CLVS1: variants seen among roughly 807,000 people sequenced by gnomAD.
The protein encoded by CLVS1 is clavesin 1, also known as clavesin-1.
Under a neutral mutation model 33.1 loss-of-function variants are expected in CLVS1, and 10 were observed. The ratio of observed to expected loss-of-function variants is 0.30; its 90% confidence interval spans 0.19 to 0.51. CLVS1 has a LOEUF of 0.51. Ranked by LOEUF, CLVS1 falls within the 20% of genes least tolerant of loss-of-function variation. The pLI is 0.97. For synonymous variants in CLVS1, 163 were observed against 166.1 expected (o/e 0.98, Z 0.14); for missense variants, 343 against 433.4 (o/e 0.79, Z 1.85).
At chr8:61,203,704 C>A (rs1256004408) in intron 2 of CLVS1, among the ~76,000 whole-genome samples, 1 of 152,204 alleles carries the variant, frequency 6.6e-6, no homozygotes, top group Non-Finnish European at 1.5e-5. Flanking sequence ...CTGTTTGACA[C>A]TTGGAGCTTG....
chr8:61,214,141 T>C (rs1808035728), intron 2 of CLVS1, among the ~76,000 whole-genome samples: 1 of 152,202 alleles, frequency 6.6e-6, no homozygotes, highest in African/African-American at 2.4e-5. Flanking sequence ...TAAGATGTTA[T>C]CAATGACAAT....
chr8:61,329,809 T>C (rs920227497), intron 2 of CLVS1, among the ~76,000 whole-genome samples: 8 of 152,180 alleles, frequency 5.3e-5, no homozygotes, highest in African/African-American at 1.9e-4. Context: ...GACATTCCCT[T>C]CCCTATATAA....
At chr8:61,071,537 A>G (rs73687892) in intron 1 of CLVS1, among the ~76,000 whole-genome samples, 2,080 of 152,302 alleles carry the variant, frequency 0.014, 50 homozygotes, top group African/African-American at 0.047. Flanking sequence ...ATGGTTCACA[A>G]TAATCTCCCC....
chr8:61,046,940 G>A, the CLVS1 span, among the ~76,000 whole-genome samples: 63 of 152,222 alleles, frequency 4.1e-4, no homozygotes, highest in African/African-American at 1.5e-3. Flanking sequence ...TGCAAACAGG[G>A]GCAATTTGAC....
chr8:61,421,111 G>A (rs536719866), intron 3 of CLVS1, among the ~76,000 whole-genome samples: 1 of 152,304 alleles, frequency 6.6e-6, no homozygotes, highest in South Asian at 2.1e-4. Flanking sequence ...AGAGGTGGTT[G>A]GTGCTTTGGT....
At chr8:60,998,433 G>C in the CLVS1 span, among the ~76,000 whole-genome samples, 4 of 152,108 alleles carry the variant, frequency 2.6e-5, no homozygotes, top group African/African-American at 7.2e-5. Context: ...TTGCCCTGGT[G>C]GTGAGGGGTA....
chr8:61,402,058 G>A (rs886688250), intron 3 of CLVS1, among the ~76,000 whole-genome samples: 2 of 152,058 alleles, frequency 1.3e-5, no homozygotes, highest in African/African-American at 4.8e-5. Context: ...CACAAGGCCT[G>A]GAACCCACTC....
intron 1 of CLVS1, among the ~76,000 whole-genome samples, chr8:61,066,305 G>A (rs1056822022): frequency 1.3e-5 from 2 of 152,096 alleles, no homozygotes; most frequent in Admixed American, 6.6e-5. Flanking sequence ...AGACCAGCCC[G>A]GGCAACATGG....
chr8:61,305,079 A>G (rs1359991512), intron 2 of CLVS1, among the ~76,000 whole-genome samples: 1 of 152,074 alleles, frequency 6.6e-6, no homozygotes, highest in Admixed American at 6.6e-5. Flanking sequence ...TCTCACCTGT[A>G]CAGTAGGGGT....
At chr8:61,052,803 T>A (rs1275693566), upstream of CLVS1, among the ~76,000 whole-genome samples, 2 of 151,954 alleles carry the variant, frequency 1.3e-5, no homozygotes, top group Non-Finnish European at 2.9e-5. Context: ...CAAGAGGAAG[T>A]CATTCTCTGG....
chr8:61,023,725 G>T, the CLVS1 span, among the ~76,000 whole-genome samples: 1 of 152,174 alleles, frequency 6.6e-6, no homozygotes, highest in African/African-American at 2.4e-5. Flanking sequence ...GAGGCTGCGC[G>T]CCGGCCCCAG....
the CLVS1 span, among the ~76,000 whole-genome samples, chr8:61,031,509 G>A: frequency 6.6e-6 from 1 of 152,198 alleles, no homozygotes; most frequent in Non-Finnish European, 1.5e-5. Flanking sequence ...AAAGTGAAAA[G>A]CACCAGAGTA....
chr8:61,082,218 G>A (rs1324123110), intron 1 of CLVS1, among the ~76,000 whole-genome samples: 9 of 152,140 alleles, frequency 5.9e-5, no homozygotes, highest in Non-Finnish European at 1.0e-4. Flanking sequence ...AAGTCAGTGC[G>A]CTTAAAGAAA....
At chr8:61,177,765 G>T (rs1274391308) in intron 2 of CLVS1, among the ~76,000 whole-genome samples, 1 of 142,304 alleles carries the variant, frequency 7.0e-6, no homozygotes, top group Non-Finnish European at 1.5e-5. Flanking sequence ...ACTATTGAAA[G>T]AAAAACAAAC....
intron 1 of CLVS1, among the ~76,000 whole-genome samples, chr8:61,092,357 T>C (rs887586908): frequency 2.6e-5 from 4 of 152,244 alleles, no homozygotes; most frequent in Non-Finnish European, 4.4e-5. Flanking sequence ...AGCAGGACTC[T>C]GCTTCCACAC....
At chr8:61,002,332 T>G in the CLVS1 span, among the ~76,000 whole-genome samples, 1 of 148,342 alleles carries the variant, frequency 6.7e-6, no homozygotes, top group South Asian at 2.2e-4. Context: ...TGCTTGTTTT[T>G]TTTTTTTTTT....
At chr8:61,010,862 T>C in the CLVS1 span, among the ~76,000 whole-genome samples, 1 of 152,240 alleles carries the variant, frequency 6.6e-6, no homozygotes, top group African/African-American at 2.4e-5. Context: ...CTTTGTTCTG[T>C]GCTATGATGT....
chr8:60,987,740 C>CA, the CLVS1 span, among the ~76,000 whole-genome samples: 1 of 152,048 alleles, frequency 6.6e-6, no homozygotes, highest in East Asian at 1.9e-4. Context: ...TCATCATTAT[C>CA]ATGATAAGCA....
chr8:61,021,249 T>G, the CLVS1 span, among the ~76,000 whole-genome samples: 1 of 152,220 alleles, frequency 6.6e-6, no homozygotes, highest in Non-Finnish European at 1.5e-5. Flanking sequence ...TCTCTTTTCA[T>G]GAGATTCGGT....
Sources: allele counts gnomAD v4.1 joint callset (sites outside exome capture counted in the v4.1 genomes callset), GRCh38; gene constraint gnomAD v4.1.1; transcripts MANE v1.5; gene names NCBI Gene and HGNC (gene_info 2026-07-23, HGNC 2026-07-21).